RIN2: variants seen among roughly 807,000 people sequenced by gnomAD.
RIN2 encodes the protein Ras and Rab interactor 2.
In RIN2, 36 loss-of-function variants were observed where a neutral mutation model predicts 78.0. That is an observed-to-expected ratio of 0.46 (90% CI 0.35 to 0.61). RIN2 has a LOEUF of 0.61. Ranked by LOEUF, RIN2 falls within the 20% of genes least tolerant of loss-of-function variation. RIN2 has a pLI of 0.00. For synonymous variants in RIN2, 466 were observed against 466.8 expected (o/e 1.00, Z 0.02); for missense variants, 1,087 against 1,159.7 (o/e 0.94, Z 0.91).
chr20:19,941,616 G>C (rs1215823368), intron 4 of RIN2, among the ~76,000 whole-genome samples: 4 of 152,138 alleles, frequency 2.6e-5, no homozygotes, highest in Non-Finnish European at 5.9e-5. Context: ...AGCAGCAACA[G>C]GTTTATGGTG....
intron 9 of RIN2, among the ~76,000 whole-genome samples, chr20:19,981,176 G>A (rs751138210): frequency 1.3e-5 from 2 of 152,194 alleles, no homozygotes; most frequent in Non-Finnish European, 2.9e-5. Context: ...CAAGATGCAA[G>A]CGCGACTGAC....
At chr20:19,802,977 C>T (rs941721540) in intron 2 of RIN2, among the ~76,000 whole-genome samples, 10 of 152,144 alleles carry the variant, frequency 6.6e-5, no homozygotes, top group African/African-American at 2.2e-4. Context: ...CTCTTGTTCT[C>T]GGGCTTCTCC....
At chr20:19,926,319 G>A (rs139508742) in intron 3 of RIN2, among the ~76,000 whole-genome samples, 1 of 152,080 alleles carries the variant, frequency 6.6e-6, no homozygotes, top group Non-Finnish European at 1.5e-5. Flanking sequence ...AACACCCTTG[G>A]GAGGAGTAAT....
chr20:19,936,611 G>A (rs2040655483), intron 4 of RIN2, among the ~76,000 whole-genome samples: 1 of 152,202 alleles, frequency 6.6e-6, no homozygotes, highest in Admixed American at 6.5e-5. Context: ...TATAAGCACA[G>A]GGGATTTTGG....
At chr20:19,801,005 C>T (rs1036164622) in intron 2 of RIN2, among the ~76,000 whole-genome samples, 9 of 152,328 alleles carry the variant, frequency 5.9e-5, no homozygotes, top group East Asian at 1.9e-4. Flanking sequence ...GCTGGGCCTT[C>T]GCTGCCCTGT....
chr20:19,978,283 G>A (rs1235053949), intron 9 of RIN2, among the ~76,000 whole-genome samples: 1 of 152,198 alleles, frequency 6.6e-6, no homozygotes, highest in Non-Finnish European at 1.5e-5. Flanking sequence ...AAGAAGGTAG[G>A]AGGAGATAAT....
intron 7 of RIN2, among the ~76,000 whole-genome samples, chr20:19,968,560 T>G (rs2042010254): frequency 6.6e-6 from 1 of 152,108 alleles, no homozygotes; most frequent in African/African-American, 2.4e-5. Context: ...AACATCTAAT[T>G]TTCTAGTAGA....
At chr20:19,767,504 C>G (rs1423920387) in intron 1 of RIN2, among the ~76,000 whole-genome samples, 4 of 152,138 alleles carry the variant, frequency 2.6e-5, no homozygotes, top group African/African-American at 9.7e-5. Context: ...CTCTGGCTAG[C>G]CTCAGGGAGG....
chr20:19,902,841 C>T (rs1230244100), intron 3 of RIN2, among the ~76,000 whole-genome samples: 6 of 152,152 alleles, frequency 3.9e-5, no homozygotes, highest in Non-Finnish European at 8.8e-5. Context: ...CGCCTGTAAT[C>T]CCAGCACTTT....
intron 2 of RIN2, chr20:19,886,609 C>CT (rs2038202897): frequency 3.9e-6 from 3 of 776,566 alleles, no homozygotes; most frequent in Middle Eastern, 2.5e-4. Context: ...TCTTCTTCTT[C>CT]TTCTTTTTTT....
At chr20:19,775,345 C>T (rs566565244) in intron 1 of RIN2, among the ~76,000 whole-genome samples, 10 of 152,298 alleles carry the variant, frequency 6.6e-5, no homozygotes, top group African/African-American at 2.2e-4. Context: ...ACTGCTGGTT[C>T]ATTTCACTAA....
chr20:19,769,181 C>CCTTGGCCACGT (rs2034018352), intron 1 of RIN2, among the ~76,000 whole-genome samples: 1 of 152,148 alleles, frequency 6.6e-6, no homozygotes, highest in African/African-American at 2.4e-5. Flanking sequence ...CTTGGCCACG[C>CCTTGGCCACGT]GCCTTGGCCT....
chr20:19,909,009 C>G (rs187044713), intron 3 of RIN2, among the ~76,000 whole-genome samples: 1 of 152,150 alleles, frequency 6.6e-6, no homozygotes, highest in African/African-American at 2.4e-5. Context: ...AGATTACAGA[C>G]GCCCACCGCC....
At chr20:19,826,233 A>T (rs943133621) in intron 2 of RIN2, among the ~76,000 whole-genome samples, 1 of 152,218 alleles carries the variant, frequency 6.6e-6, no homozygotes, top group Non-Finnish European at 1.5e-5. Context: ...TTAGTAAACC[A>T]GGATTTTAAA....
chr20:19,847,533 GGT>G (rs2036825195), intron 2 of RIN2, among the ~76,000 whole-genome samples: 1 of 152,116 alleles, frequency 6.6e-6, no homozygotes, highest in Non-Finnish European at 1.5e-5. Context: ...ACCCAGAGGG[GGT>G]TCTAGAAGTG....
chr20:19,884,391 T>C (rs906608011), intron 2 of RIN2, among the ~76,000 whole-genome samples: 8 of 151,846 alleles, frequency 5.3e-5, no homozygotes, highest in Non-Finnish European at 1.0e-4. Context: ...AGCAATGCAC[T>C]CCAGCCTGGG....
chr20:19,880,707 A>T (rs1020039211), intron 2 of RIN2, among the ~76,000 whole-genome samples: 1 of 152,126 alleles, frequency 6.6e-6, no homozygotes, highest in Non-Finnish European at 1.5e-5. Flanking sequence ...TTTAGCCTAG[A>T]TGACTTCCTT....
intron 1 of RIN2, among the ~76,000 whole-genome samples, chr20:19,795,805 A>G (rs2035036083): frequency 6.6e-6 from 1 of 152,238 alleles, no homozygotes; most frequent in Admixed American, 6.5e-5. Flanking sequence ...AAGGAAAAAA[A>G]GACCAGCACC....
intron 1 of RIN2, among the ~76,000 whole-genome samples, chr20:19,780,177 G>A (rs1309544140): frequency 1.3e-5 from 2 of 152,306 alleles, no homozygotes; most frequent in East Asian, 1.9e-4. Flanking sequence ...TATTCCTTGA[G>A]AAATTTCACT....
Sources: gnomAD v4.1 joint callset for allele counts (sites outside exome capture counted in the v4.1 genomes callset) on GRCh38, gnomAD v4.1.1 for gene constraint, MANE v1.5 for transcripts, NCBI Gene and HGNC (gene_info 2026-07-23, HGNC 2026-07-21) for gene names.